Variants in ARSB observed in about 807,000 individuals in gnomAD.
The protein encoded by ARSB is arylsulfatase B, also known as N-acetylgalactosamine-4-sulfatase.
In ARSB, 41 loss-of-function variants were observed where a neutral mutation model predicts 50.9. That is an observed-to-expected ratio of 0.81 (90% CI 0.63 to 1.04). The LOEUF is 1.04. ARSB is among the 50% of genes least tolerant of loss of function. The pLI, the probability that ARSB is intolerant of heterozygous loss-of-function variation, is 0.00. For missense variants in ARSB, 672 were observed against 693.3 expected (o/e 0.97, Z 0.35); for synonymous variants, 269 against 284.8 (o/e 0.94, Z 0.56).
intron 6 of ARSB, among the ~76,000 whole-genome samples, chr5:78,819,956 G>A (rs1291733330): frequency 6.6e-6 from 1 of 152,284 alleles, no homozygotes; most frequent in Non-Finnish European, 1.5e-5. Context: ...GAACCCCCAA[G>A]GTGATGGCAT....
At chr5:78,848,661 G>T (rs1300969045) in intron 5 of ARSB, among the ~76,000 whole-genome samples, 2 of 152,098 alleles carry the variant, frequency 1.3e-5, no homozygotes, top group African/African-American at 2.4e-5. Context: ...TTCCACAATG[G>T]TTGAACTAGT....
At chr5:78,882,638 T>TGTG (rs1747806341) in intron 5 of ARSB, among the ~76,000 whole-genome samples, 1 of 152,106 alleles carries the variant, frequency 6.6e-6, no homozygotes, top group African/African-American at 2.4e-5. Context: ...TGCAGTAAGT[T>TGTG]TCTTGGATGA....
chr5:78,800,885 T>G (rs73120687), intron 6 of ARSB, among the ~76,000 whole-genome samples: 1,555 of 152,242 alleles, frequency 0.01, 25 homozygotes, highest in African/African-American at 0.036. Flanking sequence ...AGGCTTGCAC[T>G]AAAACATCAG....
chr5:78,848,361 A>T (rs1334702389), intron 5 of ARSB, among the ~76,000 whole-genome samples: 1 of 112,966 alleles, frequency 8.9e-6, no homozygotes, highest in East Asian at 2.2e-4. Flanking sequence ...AATGATTTCC[A>T]ATTTCATCCA....
chr5:78,963,261 A>G (rs1752073728), intron 3 of ARSB, among the ~76,000 whole-genome samples: 1 of 152,190 alleles, frequency 6.6e-6, no homozygotes, highest in African/African-American at 2.4e-5. Flanking sequence ...TGAAGCCCTT[A>G]CCCAGAAGCA....
chr5:78,884,825 A>G (rs565160191), intron 5 of ARSB: 2 of 152,268 alleles, frequency 1.3e-5, no homozygotes, highest in African/African-American at 4.8e-5. Flanking sequence ...ACATCTTGCA[A>G]CCTCTAAGGC....
chr5:78,891,537 A>T (rs950119018), intron 4 of ARSB, among the ~76,000 whole-genome samples: 1 of 152,194 alleles, frequency 6.6e-6, no homozygotes, highest in East Asian at 1.9e-4. Context: ...AACAGGATGG[A>T]CAAGGTCCTG....
chr5:78,972,543 A>ACACACACACACAC (rs1361695118), intron 1 of ARSB, among the ~76,000 whole-genome samples: 1 of 150,302 alleles, frequency 6.7e-6, no homozygotes, highest in Non-Finnish European at 1.5e-5. Flanking sequence ...ACACACACAC[A>ACACACACACACAC]CCCCAAATCA....
intron 4 of ARSB, among the ~76,000 whole-genome samples, chr5:78,905,439 G>A (rs62379718): frequency 1.3e-4 from 19 of 145,458 alleles, no homozygotes; most frequent in African/African-American, 4.1e-4. Context: ...AAATCCTCTC[G>A]AGGGTGTTGA....
intron 5 of ARSB, among the ~76,000 whole-genome samples, chr5:78,840,046 AC>A: frequency 6.6e-6 from 1 of 152,354 alleles, no homozygotes; most frequent in South Asian, 2.1e-4. Context: ...CCCTCTTCTT[AC>A]AAATGATGAA....
At chr5:78,846,021 T>C (rs1224203357) in intron 5 of ARSB, among the ~76,000 whole-genome samples, 4 of 152,164 alleles carry the variant, frequency 2.6e-5, no homozygotes, top group Non-Finnish European at 5.9e-5. Context: ...TCAGGTCTTA[T>C]ATTTAAGTCA....
intron 5 of ARSB, among the ~76,000 whole-genome samples, chr5:78,869,611 C>T (rs974256359): frequency 4.6e-5 from 7 of 152,032 alleles, no homozygotes; most frequent in Non-Finnish European, 5.9e-5. Context: ...TTCTTTGAAA[C>T]CAGCGAGAAC....
At chr5:78,835,565 A>G (rs961819807) in intron 6 of ARSB, among the ~76,000 whole-genome samples, 1 of 152,210 alleles carries the variant, frequency 6.6e-6, no homozygotes, top group African/African-American at 2.4e-5. Flanking sequence ...TAGTAATAAG[A>G]AACTCATAAA....
At chr5:78,867,760 C>G (rs1746867381) in intron 5 of ARSB, among the ~76,000 whole-genome samples, 1 of 151,674 alleles carries the variant, frequency 6.6e-6, no homozygotes. Flanking sequence ...AGCGCCTCTC[C>G]TCCTCCAAAG....
intron 1 of ARSB, 135 bp from the exon 2 acceptor site, chr5:78,969,327 AT>A (rs1239978381): frequency 4.3e-6 from 4 of 937,296 alleles, no homozygotes; most frequent in Non-Finnish European, 4.9e-6. Context: ...TGGCTTGAGG[AT>A]ATTTCTGAAA....
chr5:78,934,479 C>G, intron 4 of ARSB, among the ~76,000 whole-genome samples: 1 of 151,902 alleles, frequency 6.6e-6, no homozygotes, highest in East Asian at 1.9e-4. Flanking sequence ...AATATATATA[C>G]TTAAGAACTT....
chr5:78,895,718 C>T (rs1338971201), intron 4 of ARSB, among the ~76,000 whole-genome samples: 1 of 152,314 alleles, frequency 6.6e-6, no homozygotes, highest in South Asian at 2.1e-4. Flanking sequence ...TTTCTCATTC[C>T]TAGTAATTTT....
At chr5:78,872,684 AG>A (rs1436524561) in intron 5 of ARSB, among the ~76,000 whole-genome samples, 1 of 129,050 alleles carries the variant, frequency 7.7e-6, no homozygotes, top group African/African-American at 3.0e-5. Flanking sequence ...GGGAGGGGGG[AG>A]GGATAGCATT....
intron 4 of ARSB, among the ~76,000 whole-genome samples, chr5:78,934,778 A>G (rs1355867353): frequency 1.3e-5 from 2 of 152,174 alleles, no homozygotes; most frequent in Admixed American, 6.5e-5. Flanking sequence ...CCTGGGTGAC[A>G]GAGCGAGATT....
Sources: allele counts gnomAD v4.1 joint callset (sites outside exome capture counted in the v4.1 genomes callset), GRCh38; gene constraint gnomAD v4.1.1; transcripts MANE v1.5; gene names NCBI Gene and HGNC (gene_info 2026-07-23, HGNC 2026-07-21).